The following OAS2 variants were observed in gnomAD, a reference collection of about 807,000 sequenced individuals.
The protein encoded by OAS2 is 2'-5'-oligoadenylate synthetase 2.
OAS2 carries 67 observed loss-of-function variants against 71.3 expected under a neutral mutation model. The ratio of observed to expected loss-of-function variants is 0.94; its 90% confidence interval spans 0.77 to 1.15. The LOEUF is 1.15. Ranked by LOEUF, OAS2 falls within the 50% of genes most tolerant of loss-of-function variation. The probability of loss-of-function intolerance (pLI) is 0.00; values close to 1 mark genes in which losing one functional copy is unlikely to be tolerated. For synonymous variants in OAS2, 327 were observed against 321.8 expected, an observed-to-expected ratio of 1.02 and a Z score of -0.17; for missense variants, 789 against 822.5, an observed-to-expected ratio of 0.96 and a Z score of 0.50.
At position 113,009,332 on chromosome 12, in the gene OAS2, A is replaced by G. The variant is rs908128496; in HGVS notation, c.*77A>G. 3.0e-5 allele frequency: 47 copies of G among 1,557,578 alleles called. No individual in the cohort carries two copies. The highest frequency in any genetic ancestry group is 4.1e-5 in the Non-Finnish European group (47 of 1,155,118). ...CTCCTACTGTAGCAACCTGAAATTA[A>G]CTCAGACACAAATAAAGGAAACCCA... On this transcript the variant is annotated 3_prime_UTR_variant, in exon 10 of 10. Transcript: ENST00000392583.
chr12:112,989,617 A>G (rs1044556831), intron 2 of OAS2, among the ~76,000 whole-genome samples: 9 of 152,218 alleles, frequency 5.9e-5, no homozygotes, highest in Admixed American at 2.0e-4. Flanking sequence ...ATGCAGCTGA[A>G]AACTCCAGGT....
intron 6 of OAS2, among the ~76,000 whole-genome samples, chr12:113,004,038 T>C (rs530582804): frequency 2.7e-4 from 41 of 152,306 alleles, no homozygotes; most frequent in Non-Finnish European, 4.4e-5. Flanking sequence ...AAAAGGTATA[T>C]GACACATCAA....
Position 113,009,256 on chromosome 12 carries a change from AG to A in OAS2, c.*3del. ...GAAAGTGCCGGTAAAAGTCATCTAA[AG>A]GAGGCGTTGTCTGGAAATAGCCCTG... On this transcript the variant is annotated 3_prime_UTR_variant, in exon 10 of 10. Coordinates refer to ENST00000392583, the MANE Select transcript of OAS2 (RefSeq NM_002535.3). 1 of 1,613,800 alleles carries A rather than the reference AG, an allele frequency of 6.2e-7. No homozygotes were observed. The highest frequency in any genetic ancestry group is 8.5e-7 in the Non-Finnish European group (1 of 1,179,790).
chr12:112,980,549 A>G (rs2044070622), intron 1 of OAS2, among the ~76,000 whole-genome samples: 1 of 152,158 alleles, frequency 6.6e-6, no homozygotes, highest in South Asian at 2.1e-4. Flanking sequence ...TTCCATGCAC[A>G]TTGCTGCAAA....
intron 1 of OAS2, among the ~76,000 whole-genome samples, chr12:112,984,353 TAA>T (rs1293108501): frequency 2.6e-5 from 4 of 152,240 alleles, no homozygotes; most frequent in African/African-American, 4.8e-5. Flanking sequence ...GTTTTTGACT[TAA>T]AGTCTACTCT....
Position 112,992,372 on chromosome 12 carries a change from C to T in OAS2, c.449-2924C>T, listed in dbSNP as rs141312917. Among the ~76,000 whole-genome samples the T allele has an allele frequency of 1.5e-3, 208 of 135,270 alleles. 5 individuals carry two copies. The East Asian group carries it at 0.03, about 19-fold the overall frequency. 88.7% of individuals were successfully genotyped at this position (135,270 alleles called of 152,430 possible). A position where few individuals can be genotyped will look rare whatever the true frequency, so the allele number is the denominator to read the frequency against. On this transcript the variant is annotated intron_variant, in intron 2 of 9. Transcript: ENST00000392583. ...CACCACTATACTCCAGCCTGGACAACGGAGCAAGATCTTGTCAAAAGAAAA... is the reference window on the plus strand; with the variant it reads ...CACCACTATACTCCAGCCTGGACAATGGAGCAAGATCTTGTCAAAAGAAAA...
At chr12:112,979,580 G>A (rs564552978) in intron 1 of OAS2, among the ~76,000 whole-genome samples, 66 of 152,272 alleles carry the variant, frequency 4.3e-4, no homozygotes, top group African/African-American at 1.3e-3. Context: ...TGGCTTGAGG[G>A]CATGCATGTT....
At chr12:112,985,221 A>T (rs1442915931) in intron 1 of OAS2, among the ~76,000 whole-genome samples, 1 of 146,552 alleles carries the variant, frequency 6.8e-6, no homozygotes, top group African/African-American at 2.4e-5. Flanking sequence ...GTTTTCAGCT[A>T]TTACTTCATT....
intron 2 of OAS2, among the ~76,000 whole-genome samples, chr12:112,994,250 G>A (rs2044216762): frequency 1.3e-5 from 2 of 152,062 alleles, no homozygotes. Context: ...TAGTCTGTCA[G>A]GGAGAAGGAT....
chr12:112,994,282 C>T (rs1308230880), intron 2 of OAS2, among the ~76,000 whole-genome samples: 3 of 152,218 alleles, frequency 2.0e-5, no homozygotes, highest in African/African-American at 7.2e-5. Context: ...CTCCCATCTC[C>T]TCAGCTGCAG....
At chr12:112,991,145 A>G (rs2044188157) in intron 2 of OAS2, among the ~76,000 whole-genome samples, 1 of 152,204 alleles carries the variant, frequency 6.6e-6, no homozygotes, top group Non-Finnish European at 1.5e-5. Context: ...TGCTAGCTCA[A>G]CTTGAGACTT....
At chr12:113,005,922 A>AC (rs59094699) in intron 7 of OAS2, among the ~76,000 whole-genome samples, 673 of 62,528 alleles carry the variant, frequency 0.011, 1 homozygote, top group Admixed American at 0.017. Context: ...CAACAACAAA[A>AC]AAAAAAAAAA....
chr12:112,995,610 A>G, intron 3 of OAS2, 136 bp downstream of exon 3: 1 of 808,070 alleles, frequency 1.2e-6, no homozygotes, highest in African/African-American at 1.7e-5. Flanking sequence ...CACCCAAATC[A>G]ACATAGGGAA....
chr12:113,005,807 C>T (rs1013907204), intron 7 of OAS2, among the ~76,000 whole-genome samples: 6 of 150,528 alleles, frequency 4.0e-5, no homozygotes, highest in African/African-American at 1.5e-4. Flanking sequence ...GGGAGGATTG[C>T]TTGAGCCCAG....
At chr12:112,983,703 C>T (rs776514327) in intron 1 of OAS2, among the ~76,000 whole-genome samples, 10 of 152,184 alleles carry the variant, frequency 6.6e-5, no homozygotes, top group Non-Finnish European at 1.5e-4. Flanking sequence ...TAAATTTCTT[C>T]ATCAGCCCAG....
rs766847131 is a variant in OAS2 at position 112,997,605 on chromosome 12, G to A, written c.713G>A (p.Arg238Lys). 1 of 1,614,174 alleles carries A rather than the reference G, an allele frequency of 6.2e-7. No homozygotes were observed. The highest frequency in any genetic ancestry group is 1.1e-5 in the South Asian group (1 of 91,074). The stretch of plus-strand genomic sequence containing the variant: ...GTGTATGCCTGGGAACAGGGGTGCA[G>A]AAAAGACAACTTTGACATTGCTGAA... ...LTVYAWEQGC[R>K]KDNFDIAEGV... Residue 238 changes from arginine to lysine, a missense_variant, in exon 4 of 10, where the codon AGA becomes AAA. Coordinates refer to ENST00000392583, the MANE Select transcript of OAS2 (RefSeq NM_002535.3).
chr12:112,990,818 C>G (rs960712571), intron 2 of OAS2, among the ~76,000 whole-genome samples: 2 of 152,000 alleles, frequency 1.3e-5, no homozygotes, highest in African/African-American at 2.4e-5. Context: ...TAGTGTTTGT[C>G]GATTGTGCCT....
At chr12:112,987,865 C>T (rs2044154446) in intron 2 of OAS2, 1 of 986,058 alleles carries the variant, frequency 1.0e-6, no homozygotes, top group Non-Finnish European at 1.2e-6. Context: ...AACCCAACTC[C>T]TAAATCCCTA....
chr12:112,999,881 C>T (rs769076508), intron 5 of OAS2, among the ~76,000 whole-genome samples: 4 of 152,190 alleles, frequency 2.6e-5, no homozygotes, highest in African/African-American at 7.2e-5. Context: ...TGTGTGCACA[C>T]GTTATTATTG....
Sources: gnomAD v4.1 joint callset for allele counts (sites outside exome capture counted in the v4.1 genomes callset) on GRCh38, gnomAD v4.1.1 for gene constraint, MANE v1.5 for transcripts, NCBI Gene and HGNC (gene_info 2026-07-23, HGNC 2026-07-21) for gene names.